Variants in MORC1 observed in about 807,000 individuals in gnomAD.
MORC1 encodes MORC family CW-type zinc finger 1.
Under a neutral mutation model 134.9 loss-of-function variants are expected in MORC1, and 59 were observed. The ratio of observed to expected loss-of-function variants is 0.44; its 90% CI spans 0.35 to 0.54. The LOEUF (loss-of-function observed/expected upper bound fraction) is 0.54, where lower values mean the gene tolerates loss of function less well. MORC1 is among the 20% of genes least tolerant of loss of function. MORC1 has a pLI of 0.00. For synonymous variants in MORC1, 395 were observed against 391.7 expected, an observed-to-expected ratio of 1.01 and a Z score of -0.10; for missense variants, 947 against 1,134.5, an observed-to-expected ratio of 0.83 and a Z score of 2.37.
At chr3:109,035,287 G>A (rs1949347665) in intron 15 of MORC1, 53 bp downstream of exon 15, 1 of 1,478,704 alleles carries the variant, frequency 6.8e-7, no homozygotes, top group Non-Finnish European at 9.2e-7. Context: ...ACAATGACTT[G>A]CATATTTAAG....
At chr3:109,056,888 T>A (rs895068464) in intron 13 of MORC1, among the ~76,000 whole-genome samples, 13 of 152,190 alleles carry the variant, frequency 8.5e-5, no homozygotes, top group Non-Finnish European at 1.8e-4. Context: ...AAGAATGTAT[T>A]ACGCTAAAAT....
rs138717048 is a variant in MORC1 at position 109,060,280 on chromosome 3, T to C, written c.967-410A>G. 1.6e-4 allele frequency among the ~76,000 whole-genome samples: 24 copies of C among 151,936 alleles called. No homozygotes were observed. In the East Asian group the frequency reaches 4.7e-3, roughly 30 times the overall value. ...TTTGCAGGAAAAAAAAAAAAGATAATTGAGAAATTTTGTTAGTAGCCAACA... is the reference window on the plus strand; with the variant it reads ...TTTGCAGGAAAAAAAAAAAAGATAACTGAGAAATTTTGTTAGTAGCCAACA... On this transcript the variant is annotated intron_variant, in intron 11 of 27. Coordinates refer to ENST00000232603, the MANE Select transcript of MORC1 (RefSeq NM_014429.4).
chr3:109,012,028 C>A (rs1948697841), intron 17 of MORC1, among the ~76,000 whole-genome samples: 1 of 152,048 alleles, frequency 6.6e-6, no homozygotes, highest in South Asian at 2.1e-4. Context: ...GAAATATATG[C>A]CAAATATCAG....
At chr3:109,033,789 A>G (rs936138813) in intron 15 of MORC1, among the ~76,000 whole-genome samples, 3 of 152,164 alleles carry the variant, frequency 2.0e-5, no homozygotes, top group African/African-American at 7.2e-5. Context: ...ACTGCTAGAC[A>G]CTATCCTTAG....
chr3:108,977,703 C>T (rs958514260), intron 24 of MORC1, among the ~76,000 whole-genome samples: 11 of 152,078 alleles, frequency 7.2e-5, no homozygotes, highest in African/African-American at 2.4e-4. Context: ...AATTTTAGGA[C>T]CAGTAACATA....
intron 8 of MORC1, among the ~76,000 whole-genome samples, chr3:109,078,569 A>G (rs1471259319): frequency 2.0e-5 from 3 of 151,940 alleles, no homozygotes; most frequent in Non-Finnish European, 4.4e-5. Flanking sequence ...GAGAAATAAG[A>G]ACCTTATTGT....
At chr3:108,972,571 G>A (rs966665467) in intron 24 of MORC1, among the ~76,000 whole-genome samples, 1 of 152,188 alleles carries the variant, frequency 6.6e-6, no homozygotes, top group Admixed American at 6.5e-5. Context: ...AAGATAAATG[G>A]GGTAGGAACA....
chr3:108,960,990 A>T (rs1947065815), intron 27 of MORC1, among the ~76,000 whole-genome samples: 1 of 152,174 alleles, frequency 6.6e-6, no homozygotes, highest in African/African-American at 2.4e-5. Context: ...TAAAGTTTAC[A>T]TTTTGACTTT....
chr3:109,076,383 T>A (rs1950422020), intron 8 of MORC1, among the ~76,000 whole-genome samples: 1 of 152,182 alleles, frequency 6.6e-6, no homozygotes, highest in Non-Finnish European at 1.5e-5. Context: ...TTGGTGAGAC[T>A]GTAAATTAGT....
intron 4 of MORC1, chr3:109,101,632 G>A (rs1420029514): frequency 1.3e-5 from 2 of 152,178 alleles, no homozygotes; most frequent in East Asian, 1.9e-4. Context: ...CCTATGAGGG[G>A]TTAGGCATTA....
intron 3 of MORC1, among the ~76,000 whole-genome samples, chr3:109,107,434 C>T (rs1013051668): frequency 3.3e-5 from 5 of 152,086 alleles, no homozygotes; most frequent in Non-Finnish European, 1.5e-5. Context: ...CACTAAAATG[C>T]CAATTTCTTA....
At chr3:109,011,570 G>A (rs1489882763) in intron 17 of MORC1, among the ~76,000 whole-genome samples, 2 of 148,252 alleles carry the variant, frequency 1.3e-5, no homozygotes, top group Non-Finnish European at 3.0e-5. Context: ...TGCCCAGGCT[G>A]AAGTGCAATG....
At chr3:109,107,662 T>C (rs768554188) in intron 3 of MORC1, among the ~76,000 whole-genome samples, 8 of 152,224 alleles carry the variant, frequency 5.3e-5, no homozygotes, top group Non-Finnish European at 1.0e-4. Flanking sequence ...ATCTGAAAAC[T>C]AGTCCAATCT....
chr3:108,971,627 C>T (rs545300325), intron 24 of MORC1, among the ~76,000 whole-genome samples: 1 of 152,216 alleles, frequency 6.6e-6, no homozygotes, highest in African/African-American at 2.4e-5. Flanking sequence ...TAGGAGGGAC[C>T]ATTCTGGCAA....
chr3:109,064,309 G>GTATTGTATAAA (rs1455523637), intron 9 of MORC1, among the ~76,000 whole-genome samples: 1 of 151,944 alleles, frequency 6.6e-6, no homozygotes, highest in Non-Finnish European at 1.5e-5. Context: ...ATCTAATTCT[G>GTATTGTATAAA]TATTGTATAA....
intron 9 of MORC1, among the ~76,000 whole-genome samples, chr3:109,068,372 C>T (rs1397772362): frequency 6.6e-6 from 1 of 152,160 alleles, no homozygotes; most frequent in Non-Finnish European, 1.5e-5. Context: ...ACTCTTCCCC[C>T]TCAAGTCCCC....
intron 8 of MORC1, among the ~76,000 whole-genome samples, chr3:109,082,363 T>C (rs1950539781): frequency 6.6e-6 from 1 of 151,792 alleles, no homozygotes; most frequent in Non-Finnish European, 1.5e-5. Flanking sequence ...TCATTAATCC[T>C]TCAGTGCAAA....
chr3:109,036,281 T>C (rs540025649), intron 14 of MORC1, among the ~76,000 whole-genome samples: 2 of 152,012 alleles, frequency 1.3e-5, no homozygotes, highest in African/African-American at 2.4e-5. Context: ...TTTTTAAAAA[T>C]ATATATATAT....
At chr3:108,967,349 A>T (rs923718645) in intron 26 of MORC1, among the ~76,000 whole-genome samples, 2 of 152,150 alleles carry the variant, frequency 1.3e-5, no homozygotes, top group African/African-American at 4.8e-5. Context: ...GCAAATTTCA[A>T]AGTTTTACAG....
Sources: gnomAD v4.1 joint callset for allele counts (sites outside exome capture counted in the v4.1 genomes callset) on GRCh38, gnomAD v4.1.1 for gene constraint, MANE v1.5 for transcripts, NCBI Gene and HGNC (gene_info 2026-07-23, HGNC 2026-07-21) for gene names.